DMXL2: variants seen among roughly 807,000 people sequenced by gnomAD.
DMXL2 encodes the protein Dmx like 2, also known as dmX-like protein 2.
DMXL2 carries 103 observed loss-of-function variants against 331.1 expected under a neutral mutation model. The ratio of observed to expected loss-of-function variants is 0.31; its 90% CI spans 0.27 to 0.37. The LOEUF is 0.37. DMXL2 is among the 10% of genes least tolerant of loss of function. DMXL2 has a pLI of 1.00. For missense variants in DMXL2, 3,171 were observed against 3,642.9 expected (o/e 0.87, Z 3.33); for synonymous variants, 1,281 against 1,252.1 (o/e 1.02, Z -0.49).
intron 1 of DMXL2, among the ~76,000 whole-genome samples, chr15:51,602,814 T>C (rs2053319538): frequency 6.6e-6 from 1 of 152,222 alleles, no homozygotes; most frequent in Non-Finnish European, 1.5e-5. Context: ...CTCTAATTCC[T>C]GCTAAAACAA....
At position 51,449,180 on chromosome 15, in the gene DMXL2, G is replaced by A. The variant is rs761481073; in HGVS notation, c.8981C>T (p.Thr2994Ile). ...AAATGAATGAATTAGGCCATGGCCTGTCAATCTCCAAACCTAGTGCAAAAC... is the reference window on the plus strand; with the variant it reads ...AAATGAATGAATTAGGCCATGGCCTATCAATCTCCAAACCTAGTGCAAAAC... The part of the protein sequence containing the change: ...AEGNIKVWRL[T>I]GHGLIHSFKS... The change falls in exon 44 of 44, where the codon ACA (threonine) becomes ATA (isoleucine). Residue 2994 changes from threonine (T) to isoleucine (I), a missense_variant. Around this residue, in one of 7 missense-constraint regions of DMXL2, gnomAD observed 766 missense variants for 940.5 expected, o/e 0.81. Transcript: ENST00000560891. The A allele has an allele frequency of 6.2e-7, 1 of 1,613,998 alleles. No homozygotes were observed. Among genetic ancestry groups the A allele is most frequent in the East Asian group, 2.2e-5 (1 of 44,890 alleles).
intron 3 of DMXL2, among the ~76,000 whole-genome samples, chr15:51,566,087 T>TAGCTGGGG (rs1555438096): frequency 1.3e-5 from 2 of 152,124 alleles, no homozygotes; most frequent in Non-Finnish European, 2.9e-5. Context: ...CTCACACCTG[T>TAGCTGGGG]AGACCCAGCT....
In DMXL2 at chr15:51,480,136, T is replaced by C. The variant is rs1014631410; in HGVS notation, c.6568A>G (p.Thr2190Ala). 1 of 1,534,582 alleles carries C rather than the reference T, an allele frequency of 6.5e-7. No homozygotes were observed. The highest frequency in any genetic ancestry group is 1.4e-5 in the African/African-American group (1 of 72,618). ...GGAGACTGGAGCTGCTTTACTGTAGTTTCCTGTGGGTGATAGTGAATTATT... is the reference window on the plus strand; with the variant it reads ...GGAGACTGGAGCTGCTTTACTGTAGCTTCCTGTGGGTGATAGTGAATTATT... The part of the protein sequence containing the change: ...KFLLQESQQE[T>A]TVKQLQSPLP... The change falls in exon 25 of 44, where the codon ACT (threonine) becomes GCT (alanine). Residue 2190 changes from threonine (T) to alanine (A), a missense_variant. This residue lies in a region of DMXL2 where 197 missense variants were observed against 196.2 expected (regional missense o/e 1.00). Coordinates refer to ENST00000560891, the MANE Select transcript of DMXL2 (RefSeq NM_001378457.1).
intron 21 of DMXL2, 86 bp downstream of exon 21, chr15:51,488,462 C>T: frequency 1.7e-6 from 2 of 1,184,380 alleles, no homozygotes; most frequent in Non-Finnish European, 2.5e-6. Flanking sequence ...AGCTCATATA[C>T]CTAATTATTT....
chr15:51,502,435 G>C (rs1175068117), intron 17 of DMXL2, among the ~76,000 whole-genome samples: 1 of 151,632 alleles, frequency 6.6e-6, no homozygotes, highest in Non-Finnish European at 1.5e-5. Flanking sequence ...CAATTCCCCT[G>C]CCTCAGCTTC....
chr15:51,581,222 G>A (rs2051392291), intron 1 of DMXL2, among the ~76,000 whole-genome samples: 1 of 152,136 alleles, frequency 6.6e-6, no homozygotes, highest in African/African-American at 2.4e-5. Context: ...AAGCCCTATT[G>A]TAAACTGCAC....
chr15:51,609,701 G>T (rs1035571143), intron 1 of DMXL2, among the ~76,000 whole-genome samples: 6 of 152,172 alleles, frequency 3.9e-5, no homozygotes, highest in Admixed American at 6.5e-5. Flanking sequence ...GGCCAAGGAG[G>T]ATGGATCACC....
intron 1 of DMXL2, among the ~76,000 whole-genome samples, chr15:51,610,176 C>T (rs1240628660): frequency 1.3e-5 from 2 of 152,082 alleles, no homozygotes; most frequent in Non-Finnish European, 2.9e-5. Flanking sequence ...ACTGCAGAAG[C>T]ACTGTTAGAA....
Position 51,480,751 on chromosome 15 carries a change from G to A in DMXL2, c.6355C>T (p.Pro2119Ser). 6.2e-7 allele frequency: 1 copy of A among 1,600,218 alleles called. No individual in the cohort carries two copies. The highest frequency in any genetic ancestry group is 8.5e-7 in the Non-Finnish European group (1 of 1,170,448). ...TGGCGCTCATAGGAACCAATATCTG[G>A]TTTGTCTACCATTTCTTCCTGATCC... is the stretch of plus-strand genomic sequence containing the variant. ...LLDQEEMVDK[P>S]DIGSYERHQI... The change falls in exon 24 of 44, where the codon CCA (proline) becomes TCA (serine). Residue 2119 changes from proline to serine, a missense_variant. Coordinates refer to ENST00000560891, the MANE Select transcript of DMXL2 (RefSeq NM_001378457.1).
At chr15:51,595,151 T>C (rs1208724667) in intron 1 of DMXL2, among the ~76,000 whole-genome samples, 1 of 152,238 alleles carries the variant, frequency 6.6e-6, no homozygotes, top group Non-Finnish European at 1.5e-5. Context: ...GCAGATGACA[T>C]GATTGTATAT....
chr15:51,545,520 A>G (rs746220619), intron 8 of DMXL2, 63 bp downstream of exon 8: 59 of 1,473,086 alleles, frequency 4.0e-5, no homozygotes, highest in Non-Finnish European at 5.3e-5. Context: ...ATGTTAGTTC[A>G]TGAATTTCCA....
At chr15:51,580,097 C>T (rs1761308413) in intron 1 of DMXL2, among the ~76,000 whole-genome samples, 1 of 152,068 alleles carries the variant, frequency 6.6e-6, no homozygotes, top group African/African-American at 2.4e-5. Flanking sequence ...ATTAATTTAC[C>T]ACATCATGGA....
At chr15:51,502,257 A>G (rs1331222872) in intron 17 of DMXL2, among the ~76,000 whole-genome samples, 2 of 148,294 alleles carry the variant, frequency 1.3e-5, no homozygotes, top group African/African-American at 5.0e-5. Flanking sequence ...AAAAATTTAC[A>G]CTATTTTCTG....
intron 1 of DMXL2, among the ~76,000 whole-genome samples, chr15:51,582,829 A>T (rs894792530): frequency 6.6e-6 from 1 of 152,074 alleles, no homozygotes; most frequent in Non-Finnish European, 1.5e-5. Context: ...AATCACACAT[A>T]TATTAAATTT....
intron 1 of DMXL2, among the ~76,000 whole-genome samples, chr15:51,587,486 A>C (rs1228433920): frequency 6.6e-6 from 1 of 152,208 alleles, no homozygotes; most frequent in Admixed American, 6.5e-5. Context: ...TGTCCCTACA[A>C]AGGACATGAA....
At chr15:51,544,305 A>C (rs1215514740) in intron 8 of DMXL2, among the ~76,000 whole-genome samples, 1 of 152,100 alleles carries the variant, frequency 6.6e-6, no homozygotes, top group Admixed American at 6.6e-5. Flanking sequence ...TTGGTCATTT[A>C]AAAATGTGTG....
At chr15:51,460,583 G>A (rs1309467744) in intron 33 of DMXL2, 1 of 154,220 alleles carries the variant, frequency 6.5e-6, no homozygotes, top group African/African-American at 2.5e-5. Context: ...TATAACTTCA[G>A]CATTTCTCAG....
At chr15:51,464,494 C>T (rs1226285133) in intron 32 of DMXL2, among the ~76,000 whole-genome samples, 181 bp downstream of exon 32, 1 of 152,184 alleles carries the variant, frequency 6.6e-6, no homozygotes, top group Non-Finnish European at 1.5e-5. Flanking sequence ...CTATGAATTA[C>T]AGATAATACT....
At chr15:51,476,141 G>A (rs895922623) in intron 27 of DMXL2, among the ~76,000 whole-genome samples, 1 of 151,984 alleles carries the variant, frequency 6.6e-6, no homozygotes, top group Non-Finnish European at 1.5e-5. Flanking sequence ...GAGAAAGAGA[G>A]CCAACAAGAA....
Sources: gnomAD v4.1 joint callset for allele counts (sites outside exome capture counted in the v4.1 genomes callset) on GRCh38, gnomAD v4.1.1 for gene constraint, gnomAD v4.1.1 regional missense constraint, MANE v1.5 for transcripts, NCBI Gene and HGNC (gene_info 2026-07-23, HGNC 2026-07-21) for gene names.